Variants in FRS2 observed in about 807,000 individuals in gnomAD.
FRS2 encodes fibroblast growth factor receptor substrate 2.
FRS2 carries 8 observed loss-of-function variants against 43.9 expected under a neutral mutation model. The observed-to-expected ratio is 0.18, with a 90% confidence interval of 0.11 to 0.33. The LOEUF (loss-of-function observed/expected upper bound fraction) is 0.33. FRS2 is among the 10% of genes least tolerant of loss of function. FRS2 has a pLI of 1.00. For missense variants in FRS2, 534 were observed against 627.6 expected (o/e 0.85, Z 1.59); for synonymous variants, 219 against 220.3 (o/e 0.99, Z 0.05).
intron 4 of FRS2, among the ~76,000 whole-genome samples, chr12:69,567,151 T>C (rs754466668): frequency 1.3e-4 from 20 of 151,560 alleles, no homozygotes; most frequent in Non-Finnish European, 2.5e-4. Context: ...CGCAGTGCAT[T>C]ATCTATTTAC....
At chr12:69,566,438 A>G (rs2135793236) in intron 4 of FRS2, among the ~76,000 whole-genome samples, 1 of 152,174 alleles carries the variant, frequency 6.6e-6, no homozygotes, top group South Asian at 2.1e-4. Flanking sequence ...TACTCATCCT[A>G]TAATTTATTA....
chr12:69,514,448 C>G (rs751731872), intron 1 of FRS2, among the ~76,000 whole-genome samples: 1 of 152,156 alleles, frequency 6.6e-6, no homozygotes, highest in East Asian at 1.9e-4. Context: ...CTCACTAATT[C>G]GCTACTCTGG....
chr12:69,570,444 C>G lies in FRS2; in HGVS notation c.180C>G (p.Leu60=), dbSNP rs1394925885. 6.2e-7 allele frequency: 1 copy of G among 1,612,632 alleles called. No individual in the cohort carries two copies. Among genetic ancestry groups the G allele is most frequent in the Non-Finnish European group, 8.5e-7 (1 of 1,178,624 alleles). ...GTGACTCAGTAAAATGGCACTACCTCTGCCTGCGACGCTATGGCTATGACT... is the reference window on the plus strand; with the variant it reads ...GTGACTCAGTAAAATGGCACTACCTGTGCCTGCGACGCTATGGCTATGACT... ...RKRDSVKWHY[L]CLRRYGYDSN... The change falls in exon 6 of 9, where the codon CTC becomes CTG. Residue 60 remains leucine (L), a synonymous_variant. Transcript: ENST00000549921.
chr12:69,520,315 G>C (rs1274154389), intron 1 of FRS2, among the ~76,000 whole-genome samples: 4 of 150,270 alleles, frequency 2.7e-5, no homozygotes. Flanking sequence ...AGCTTTGTCA[G>C]ATGCATAGTT....
At chr12:69,526,569 A>G (rs1233273269) in intron 1 of FRS2, among the ~76,000 whole-genome samples, 1 of 152,244 alleles carries the variant, frequency 6.6e-6, no homozygotes, top group Non-Finnish European at 1.5e-5. Context: ...TCCACATGAG[A>G]GGATTTTTTA....
intron 1 of FRS2, among the ~76,000 whole-genome samples, chr12:69,483,433 T>C (rs532417799): frequency 2.2e-4 from 34 of 152,318 alleles, no homozygotes; most frequent in African/African-American, 7.9e-4. Flanking sequence ...TCTTTGGAGA[T>C]TGATGTTTTA....
chr12:69,529,831 G>A (rs911009790), intron 1 of FRS2, among the ~76,000 whole-genome samples: 7 of 151,846 alleles, frequency 4.6e-5, no homozygotes, highest in African/African-American at 7.3e-5. Flanking sequence ...AGGCTGAGGC[G>A]GGCGGATCAC....
chr12:69,520,467 CATCTTCGTCATGAA>C lies in FRS2; in HGVS notation c.-260-10392_-260-10379del, dbSNP rs561436386. ...TTACTTTTGTTGCAATTGCTTTTGG[CATCTTCGTCATGAA>C]ATCTTTGCCGGTTCCTATGTCCAGA... On this transcript the variant is annotated intron_variant, in intron 1 of 8. Coordinates refer to ENST00000549921, the MANE Select transcript of FRS2 (RefSeq NM_001278356.2). Among the ~76,000 whole-genome samples, 9 of 147,954 alleles carry C rather than the reference CATCTTCGTCATGAA, an allele frequency of 6.1e-5. No homozygotes were observed. In the South Asian group the frequency reaches 1.1e-3, roughly 17 times the overall value.
chr12:69,552,155 A>G (rs1158056249), intron 3 of FRS2, among the ~76,000 whole-genome samples: 1 of 151,636 alleles, frequency 6.6e-6, no homozygotes, highest in African/African-American at 2.4e-5. Context: ...ATACAAAATT[A>G]TCCGGGCATG....
At chr12:69,481,605 T>C (rs1472878262) in intron 1 of FRS2, among the ~76,000 whole-genome samples, 1 of 152,188 alleles carries the variant, frequency 6.6e-6, no homozygotes, top group Non-Finnish European at 1.5e-5. Context: ...TTAACGTTGA[T>C]ACGGTACTTT....
intron 1 of FRS2, among the ~76,000 whole-genome samples, chr12:69,511,701 C>G (rs1447356412): frequency 6.6e-6 from 1 of 152,120 alleles, no homozygotes; most frequent in Non-Finnish European, 1.5e-5. Context: ...TTAGGGCCCC[C>G]ATTTCTTACT....
chr12:69,543,184 T>C (rs541339615), intron 3 of FRS2, among the ~76,000 whole-genome samples: 4 of 152,312 alleles, frequency 2.6e-5, no homozygotes, highest in African/African-American at 9.6e-5. Flanking sequence ...CAAATCTAAG[T>C]GATAATTTTG....
Position 69,577,988 on chromosome 12 carries a change from C to T in FRS2, c.*3033C>T, listed in dbSNP as rs1881303239. Reference sequence around the variant, plus strand: ...CAAGTCAAGCTAGTGTTTATCTCCTCCCCCTCCCCAAAACTGTGGCACAGC... The same window carrying T: ...CAAGTCAAGCTAGTGTTTATCTCCTTCCCCTCCCCAAAACTGTGGCACAGC... On this transcript the variant is annotated 3_prime_UTR_variant, in exon 9 of 9. Coordinates refer to ENST00000549921, the MANE Select transcript of FRS2 (RefSeq NM_001278356.2). 6.6e-6 allele frequency: 1 copy of T among 152,560 alleles called. No individual in the cohort carries two copies. The highest frequency in any genetic ancestry group is 2.4e-5 in the African/African-American group (1 of 41,438). 9.5% of individuals were successfully genotyped at this position (152,560 alleles called of 1,614,324 possible). A position where few individuals can be genotyped will look rare whatever the true frequency, so the allele number is the denominator to read the frequency against.
chr12:69,572,339 G>T (rs1880838871), intron 8 of FRS2, 58 bp downstream of exon 8: 14 of 1,284,682 alleles, frequency 1.1e-5, no homozygotes, highest in Non-Finnish European at 1.5e-5. Flanking sequence ...GGGTATCACT[G>T]TGCTAATACT....
rs142580982 is a variant in FRS2 at position 69,495,028 on chromosome 12, C to T, written c.-261+24498C>T. ...ACCTCAGATCCACCCACCTTGGCCT[C>T]CCAAAGTGCTGGGATTACAGGCATG... On this transcript the variant is annotated intron_variant, in intron 1 of 8. Coordinates refer to ENST00000549921, the MANE Select transcript of FRS2 (RefSeq NM_001278356.2). Among the ~76,000 whole-genome samples, 163 of 152,272 alleles carry T rather than the reference C, an allele frequency of 1.1e-3. 2 individuals are homozygous for T. In the East Asian group the frequency reaches 0.029, roughly 27 times the overall value.
chr12:69,510,061 A>G (rs60658807), intron 1 of FRS2, among the ~76,000 whole-genome samples: 1,564 of 152,306 alleles, frequency 0.01, 22 homozygotes, highest in African/African-American at 0.036. Context: ...TTGATTCTGC[A>G]GATCTGTGGC....
chr12:69,552,379 A>G (rs1288182290), intron 3 of FRS2, among the ~76,000 whole-genome samples: 1 of 152,028 alleles, frequency 6.6e-6, no homozygotes, highest in Non-Finnish European at 1.5e-5. Context: ...AATATTCAAA[A>G]TAACAACAAT....
chr12:69,483,081 C>T (rs1871485421), intron 1 of FRS2, among the ~76,000 whole-genome samples: 1 of 152,164 alleles, frequency 6.6e-6, no homozygotes, highest in African/African-American at 2.4e-5. Context: ...GTCCTGCATA[C>T]CTTCACTTGG....
At chr12:69,474,676 A>C (rs1870606296) in intron 1 of FRS2, among the ~76,000 whole-genome samples, 1 of 152,184 alleles carries the variant, frequency 6.6e-6, no homozygotes, top group South Asian at 2.1e-4. Flanking sequence ...CTTCAGACTC[A>C]TTTCATCCAG....
Sources: allele counts gnomAD v4.1 joint callset (sites outside exome capture counted in the v4.1 genomes callset), GRCh38; gene constraint gnomAD v4.1.1; transcripts MANE v1.5; gene names NCBI Gene and HGNC (gene_info 2026-07-23, HGNC 2026-07-21).